The following PRR12 variants were observed in gnomAD, a reference collection of about 807,000 sequenced individuals.
PRR12 encodes the protein proline rich 12.
Under a neutral mutation model 138.0 loss-of-function variants are expected in PRR12, and 12 were observed. The ratio of observed to expected loss-of-function variants is 0.09; its 90% CI spans 0.06 to 0.14. The LOEUF (loss-of-function observed/expected upper bound fraction) is 0.14. Ranked by LOEUF, PRR12 falls within the 10% of genes least tolerant of loss-of-function variation. The pLI, the probability that PRR12 is intolerant of heterozygous loss-of-function variation, is 1.00. For synonymous variants in PRR12, 1,567 were observed against 1,291.7 expected, an observed-to-expected ratio of 1.21 and a Z score of -4.57; for missense variants, 2,692 against 2,861.3, an observed-to-expected ratio of 0.94 and a Z score of 1.35.
Position 49,595,368 on chromosome 19 carries a change from G to A in PRR12, c.1033G>A (p.Glu345Lys), listed in dbSNP as rs1157518106. 1.9e-6 allele frequency: 3 copies of A among 1,540,448 alleles called. No homozygotes were observed. Among genetic ancestry groups the A allele is most frequent in the East Asian group, 2.5e-5 (1 of 40,766 alleles). The change falls in exon 4 of 14, where the codon GAG becomes AAG. Residue 345 changes from glutamate (E) to lysine (K), a missense_variant. Coordinates refer to ENST00000418929, the MANE Select transcript of PRR12 (RefSeq NM_020719.3). ...GGGEPSPGAG[E>K]PSKAGPSGAT... ...TGGGGAGCCCTCCCCGGGTGCTGGG[G>A]AGCCTAGCAAGGCTGGTCCCAGCGG...
At position 49,625,733 on chromosome 19, in the gene PRR12, T is replaced by C; in HGVS notation, c.*126T>C. 7.8e-7 allele frequency: 1 copy of C among 1,281,098 alleles called. No homozygotes were observed. Among genetic ancestry groups the C allele is most frequent in the Non-Finnish European group, 1.0e-6 (1 of 972,810 alleles). The allele number at this position is 1,281,098 out of a possible 1,614,324, so 79.4% of individuals were successfully genotyped here. On this transcript the variant is annotated 3_prime_UTR_variant, in exon 14 of 14. Coordinates refer to ENST00000418929, the MANE Select transcript of PRR12 (RefSeq NM_020719.3). This position sits in a 1 kb window ranked among gnomAD's most constrained non-coding sequence, Gnocchi z 5.5. ...AGGGGGTCATGGGTCAGGGTGTGTC[T>C]GTGCTGCCCCCTCCAGGGCAGGGTT...
Position 49,599,066 on chromosome 19 carries a change from G to C in PRR12, c.3679-206G>C, listed in dbSNP as rs1352773990. Among the ~76,000 whole-genome samples the C allele has an allele frequency of 1.6e-5, 2 of 127,684 alleles. No individual in the cohort carries two copies. The highest frequency in any genetic ancestry group is 3.1e-5 in the Non-Finnish European group (2 of 63,592). The allele number at this position is 127,684 out of a possible 152,430, so 83.8% of individuals were successfully genotyped here. A position where few individuals can be genotyped will look rare whatever the true frequency, so the allele number is the denominator to read the frequency against. ...GGACCTGAACTGGGCTGTAAGTGAA[G>C]AGGCTCAGTGAGTCCAAGTTCCTGG... is the stretch of plus-strand genomic sequence containing the variant. On this transcript the variant is annotated intron_variant, in intron 4 of 13. Transcript: ENST00000418929. The surrounding 1 kb of genome is among the most constrained non-coding windows in gnomAD (Gnocchi z 5.0).
Position 49,596,846 on chromosome 19 carries a change from ACCGCC to A in PRR12, c.2512_2516del (p.Pro838ThrfsTer97). Reference sequence around the variant, plus strand: ...GCGATGGGGCACCCCAGCCACCTCCACCGCCACCCCCGCCTCCACCACCCATGCCC... The same window carrying A: ...GCGATGGGGCACCCCAGCCACCTCCAACCCCCGCCTCCACCACCCATGCCC... On this transcript the variant is annotated frameshift_variant, in exon 4 of 14. Coordinates refer to ENST00000418929, the MANE Select transcript of PRR12 (RefSeq NM_020719.3). LOFTEE classifies it high-confidence loss of function. The surrounding 1 kb of genome is among the most constrained non-coding windows in gnomAD (Gnocchi z 5.6). 1.9e-6 allele frequency: 2 copies of A among 1,041,128 alleles called. No homozygotes were observed. Among genetic ancestry groups the A allele is most frequent in the Non-Finnish European group, 2.7e-6 (2 of 752,906 alleles). The allele number at this position is 1,041,128 out of a possible 1,614,324, so 64.5% of individuals were successfully genotyped here.
At position 49,599,608 on chromosome 19, in the gene PRR12, G is replaced by A. The variant is rs1461627612; in HGVS notation, c.4015G>A (p.Gly1339Arg). ...TPAVPHPPPS[G>R]AFGLGGALEA... The stretch of plus-strand genomic sequence containing the variant: ...TGCTGTGCCACATCCCCCACCTTCC[G>A]GAGCCTTTGGGCTTGGGGGCGCCCT... The change falls in exon 5 of 14, where the codon GGA (glycine) becomes AGA (arginine). Residue 1339 changes from glycine (G) to arginine (R), a missense_variant. Coordinates refer to ENST00000418929, the MANE Select transcript of PRR12 (RefSeq NM_020719.3). The surrounding 1 kb of genome is among the most constrained non-coding windows in gnomAD (Gnocchi z 5.0). 1.2e-6 allele frequency: 2 copies of A among 1,600,706 alleles called. No individual in the cohort carries two copies. Among genetic ancestry groups the A allele is most frequent in the Admixed American group, 1.7e-5 (1 of 58,332 alleles).
intron 9 of PRR12, among the ~76,000 whole-genome samples, chr19:49,619,733 G>T (rs939358559): frequency 1.5e-4 from 22 of 150,184 alleles, no homozygotes; most frequent in Middle Eastern, 3.5e-3. Context: ...GTAGAGACGG[G>T]GTTTCTCCAT....
rs2080948086 is a variant in PRR12 at position 49,625,094 on chromosome 19, C to T, written c.5869-11C>T. 6.2e-7 allele frequency: 1 copy of T among 1,613,136 alleles called. No homozygotes were observed. The highest frequency in any genetic ancestry group is 1.7e-5 in the Admixed American group (1 of 59,986). ...GGCTGGAGGGGCTGAGGCATCTCCACTCCTACCCAGGAGTTCAAGGTTGAG... is the reference window on the plus strand; with the variant it reads ...GGCTGGAGGGGCTGAGGCATCTCCATTCCTACCCAGGAGTTCAAGGTTGAG... On this transcript the variant is annotated splice_polypyrimidine_tract_variant and intron_variant, in intron 12 of 13. Coordinates refer to ENST00000418929, the MANE Select transcript of PRR12 (RefSeq NM_020719.3). This position sits in a 1 kb window ranked among gnomAD's most constrained non-coding sequence, Gnocchi z 5.5.
At chr19:49,605,260 A>T (rs535885238) in intron 6 of PRR12, among the ~76,000 whole-genome samples, 6 of 151,912 alleles carry the variant, frequency 3.9e-5, no homozygotes, top group Admixed American at 1.3e-4. Context: ...AGGAATCCGT[A>T]TTCTTTTTTT....
Position 49,616,179 on chromosome 19 carries a change from C to A in PRR12, c.5457C>A (p.Ser1819=). Residue 1819 remains serine (S), a synonymous_variant, in exon 9 of 14, where the codon TCC becomes TCA. Coordinates refer to ENST00000418929, the MANE Select transcript of PRR12 (RefSeq NM_020719.3). This position sits in a 1 kb window ranked among gnomAD's most constrained non-coding sequence, Gnocchi z 4.2. ...CAGGCGGGGGCCCACCAGGCAGCTCCTCGGACTCGGAGTCCTCCCCTGGAG... is the reference window on the plus strand; with the variant it reads ...CAGGCGGGGGCCCACCAGGCAGCTCATCGGACTCGGAGTCCTCCCCTGGAG... The part of the protein sequence containing the change: ...ATAGGGPPGS[S]SDSESSPGAP... 6.4e-7 allele frequency: 1 copy of A among 1,553,224 alleles called. No individual in the cohort carries two copies. The highest frequency in any genetic ancestry group is 8.7e-7 in the Non-Finnish European group (1 of 1,148,654).
At chr19:49,601,308 C>T (rs1599790599) in intron 5 of PRR12, among the ~76,000 whole-genome samples, 183 bp from the exon 6 acceptor site, 1 of 145,172 alleles carries the variant, frequency 6.9e-6, no homozygotes, top group African/African-American at 2.9e-5. Context: ...AGACAGGTCT[C>T]CTTTGCAGCC....
At chr19:49,604,605 G>C (rs1016604356) in intron 6 of PRR12, among the ~76,000 whole-genome samples, 148 of 152,088 alleles carry the variant, frequency 9.7e-4, no homozygotes, top group African/African-American at 3.5e-3. Context: ...TTGAACCTGG[G>C]AGGCGGAAGT....
chr19:49,596,927 C>T lies in PRR12; in HGVS notation c.2592C>T (p.Pro864=). The change falls in exon 4 of 14, where the codon CCC becomes CCT. Residue 864 remains proline (P), a synonymous_variant. Coordinates refer to ENST00000418929, the MANE Select transcript of PRR12 (RefSeq NM_020719.3). This position sits in a 1 kb window ranked among gnomAD's most constrained non-coding sequence, Gnocchi z 5.6. ...LRSHGLEPAA[P]SPRLRPEESL... ...GCCATGGCCTGGAGCCCGCGGCCCC[C>T]AGCCCCCGCCTGCGACCCGAGGAGA... 6.5e-7 allele frequency: 1 copy of T among 1,549,358 alleles called. No individual in the cohort carries two copies. The highest frequency in any genetic ancestry group is 8.7e-7 in the Non-Finnish European group (1 of 1,153,760).
At position 49,595,707 on chromosome 19, in the gene PRR12, G is replaced by C. The variant is rs748212159; in HGVS notation, c.1372G>C (p.Gly458Arg). 6.3e-7 allele frequency: 1 copy of C among 1,591,570 alleles called. No individual in the cohort carries two copies. Among genetic ancestry groups the C allele is most frequent in the South Asian group, 1.1e-5 (1 of 88,264 alleles). ...AGGGCTTCTGGGACCCCAGGCCTACGGGCAAGGGTTTGGAGGGGGGCAGGC... is the reference window on the plus strand; with the variant it reads ...AGGGCTTCTGGGACCCCAGGCCTACCGGCAAGGGTTTGGAGGGGGGCAGGC... ...PQGLLGPQAY[G>R]QGFGGGQAQD... The change falls in exon 4 of 14, where the codon GGG (glycine) becomes CGG (arginine). Residue 458 changes from glycine (G) to arginine (R), a missense_variant. Physicochemically the swap from Gly to Arg is moderately radical, Grantham distance 125. Transcript: ENST00000418929.
At chr19:49,601,432 G>A (rs886251842) in intron 5 of PRR12, 59 bp from the exon 6 acceptor site, 1 of 952,134 alleles carries the variant, frequency 1.1e-6, no homozygotes, top group South Asian at 1.6e-5. Flanking sequence ...TAAAGGACAA[G>A]AGGAAAGGTG....
intron 11 of PRR12, 59 bp downstream of exon 11, chr19:49,621,681 G>T: frequency 7.3e-7 from 1 of 1,367,088 alleles, no homozygotes; most frequent in Non-Finnish European, 1.0e-6. Context: ...GAGAAGACAT[G>T]TACGTGTCGG....
rs1185132287 is a variant in PRR12 at position 49,614,341 on chromosome 19, A to G, written c.4774-192A>G. Among the ~76,000 whole-genome samples, 1 of 152,216 alleles carries G rather than the reference A, an allele frequency of 6.6e-6. No homozygotes were observed. The highest frequency in any genetic ancestry group is 1.5e-5 in the Non-Finnish European group (1 of 68,038). On this transcript the variant is annotated intron_variant, in intron 6 of 13. Transcript: ENST00000418929. The surrounding 1 kb of genome is among the most constrained non-coding windows in gnomAD (Gnocchi z 5.0). Reference sequence around the variant, plus strand: ...GCCCAATCCAGGGTACTGGGTGGGCAGGAGGCGACAGGGTCAAGTTCAAGC... The same window carrying G: ...GCCCAATCCAGGGTACTGGGTGGGCGGGAGGCGACAGGGTCAAGTTCAAGC...
rs749376744 is a variant in PRR12 at position 49,625,143 on chromosome 19, A to G, written c.5907A>G (p.Thr1969=). Residue 1969 remains threonine (T), a synonymous_variant, in exon 13 of 14, where the codon ACA becomes ACG. Transcript: ENST00000418929. The surrounding 1 kb of genome is among the most constrained non-coding windows in gnomAD (Gnocchi z 5.5). ...AGCTGGAAAAGTCGGGATACTATAC[A>G]CTCTACCATTCGCTCCACCACTATA... ...KVELEKSGYY[T]LYHSLHHYKY... 5.6e-6 allele frequency: 9 copies of G among 1,613,214 alleles called. No homozygotes were observed. The highest frequency in any genetic ancestry group is 5.5e-5 in the South Asian group (5 of 91,060).
In PRR12 at chr19:49,613,440, A is replaced by C. The variant is rs186495969; in HGVS notation, c.4774-1093A>C. Reference sequence around the variant, plus strand: ...TTGTACTATTATTTCTTGTGTCCATATTTCGCGCCTCTGCTGCCCTTTTAG... The same window carrying C: ...TTGTACTATTATTTCTTGTGTCCATCTTTCGCGCCTCTGCTGCCCTTTTAG... On this transcript the variant is annotated intron_variant, in intron 6 of 13. Transcript: ENST00000418929. Among the ~76,000 whole-genome samples the C allele has an allele frequency of 6.6e-5, 10 of 151,778 alleles. No individual in the cohort carries two copies. In the East Asian group the frequency reaches 1.7e-3, roughly 27 times the overall value.
chr19:49,596,558 G>T lies in PRR12; in HGVS notation c.2223G>T (p.Gly741=). Residue 741 remains glycine, a synonymous_variant, in exon 4 of 14, where the codon GGG becomes GGT. Coordinates refer to ENST00000418929, the MANE Select transcript of PRR12 (RefSeq NM_020719.3). The surrounding 1 kb of genome is among the most constrained non-coding windows in gnomAD (Gnocchi z 5.6). ...GPERGGETPE[G]LATSVVHYGA... ...AGCGGGGTGGCGAGACCCCCGAGGGGCTGGCCACCTCTGTTGTCCACTACG... is the reference window on the plus strand; with the variant it reads ...AGCGGGGTGGCGAGACCCCCGAGGGTCTGGCCACCTCTGTTGTCCACTACG... 1.2e-6 allele frequency: 2 copies of T among 1,604,982 alleles called. No homozygotes were observed. The highest frequency in any genetic ancestry group is 2.2e-5 in the South Asian group (2 of 90,092).
In PRR12 at chr19:49,595,771, C is replaced by A; in HGVS notation, c.1436C>A (p.Pro479His). The change falls in exon 4 of 14, where the codon CCC (proline) becomes CAC (histidine). Residue 479 changes from proline to histidine, a missense_variant. By Grantham distance (77) the Pro-to-His change is moderately conservative (BLOSUM62 -2). This residue lies in a region of PRR12 where 523 missense variants were observed against 496.4 expected (regional missense o/e 1.05). Transcript: ENST00000418929. ...AAAGCCCCCAGCTACTCAGGGGGCC[C>A]CCCACAGCCCCCCAGCGGCCCCCCT... ...LSKAPSYSGG[P>H]PQPPSGPPPP... The A allele has an allele frequency of 6.3e-7, 1 of 1,599,916 alleles. No homozygotes were observed.
Sources: allele counts gnomAD v4.1 joint callset (sites outside exome capture counted in the v4.1 genomes callset), GRCh38; gene constraint gnomAD v4.1.1; regional missense constraint gnomAD v4.1.1; non-coding constraint Gnocchi (gnomAD v3.1); transcripts MANE v1.5; gene names NCBI Gene and HGNC (gene_info 2026-07-23, HGNC 2026-07-21).